The following LDLRAD4 variants were observed in gnomAD, a reference collection of about 807,000 sequenced individuals.
The protein encoded by LDLRAD4 is low-density lipoprotein receptor class A domain-containing protein 4.
A neutral mutation model predicts 17.0 loss-of-function variants in LDLRAD4; 5 were observed. The ratio of observed to expected loss-of-function variants is 0.29; its 90% CI spans 0.15 to 0.62. The LOEUF is 0.62. Among genes scored for constraint, LDLRAD4 ranks in the 20% least tolerant of loss-of-function variants. The pLI is 0.84. For synonymous variants in LDLRAD4, 168 were observed against 171.8 expected (o/e 0.98, Z 0.17); for missense variants, 340 against 424.7 (o/e 0.80, Z 1.75).
chr18:13,642,026 C>T (rs926365700), intron 4 of LDLRAD4: 40 of 985,266 alleles, frequency 4.1e-5, no homozygotes, highest in Non-Finnish European at 4.8e-5. Flanking sequence ...GCCCCGCTGG[C>T]GCCGGACCCC....
intron 3 of LDLRAD4, among the ~76,000 whole-genome samples, chr18:13,610,506 T>TGAAC (rs1240527431): frequency 1.3e-5 from 2 of 151,966 alleles, no homozygotes; most frequent in Non-Finnish European, 2.9e-5. Context: ...AGGCTGGTCT[T>TGAAC]GAACTCCTGA....
At chr18:13,417,373 G>A (rs545677504) in intron 2 of LDLRAD4, among the ~76,000 whole-genome samples, 17 of 152,126 alleles carry the variant, frequency 1.1e-4, no homozygotes, top group Admixed American at 3.3e-4. Flanking sequence ...ACTTTGGTGC[G>A]GTGGTCTAAA....
At chr18:13,454,644 C>A (rs1287084737) in intron 3 of LDLRAD4, among the ~76,000 whole-genome samples, 3 of 152,226 alleles carry the variant, frequency 2.0e-5, no homozygotes, top group African/African-American at 7.2e-5. Flanking sequence ...CCTGTCTCTG[C>A]AGAGAGGGTA....
Position 13,397,897 on chromosome 18 carries a change from G to A in LDLRAD4, c.40+10135G>A, listed in dbSNP as rs539201029. Among the ~76,000 whole-genome samples, 46 of 152,214 alleles carry A rather than the reference G, an allele frequency of 3.0e-4. 1 individual carries two copies. Among genetic ancestry groups the A allele is most frequent in the Non-Finnish European group, 5.6e-4 (38 of 68,032 alleles). On this transcript the variant is annotated intron_variant, in intron 2 of 5. Transcript: ENST00000359446. Reference sequence around the variant, plus strand: ...GGATGCTATCTTGATCTCAGCGCACGCTGTTTCACAGAGCTGACATAAGGA... The same window carrying A: ...GGATGCTATCTTGATCTCAGCGCACACTGTTTCACAGAGCTGACATAAGGA...
At chr18:13,632,415 G>A (rs2041746311) in intron 4 of LDLRAD4, among the ~76,000 whole-genome samples, 1 of 152,256 alleles carries the variant, frequency 6.6e-6, no homozygotes, top group African/African-American at 2.4e-5. Context: ...AGCAGGGCAG[G>A]CAGCTCCAGG....
intron 3 of LDLRAD4, among the ~76,000 whole-genome samples, chr18:13,496,970 A>G (rs548089018): frequency 6.6e-6 from 1 of 152,232 alleles, no homozygotes; most frequent in Non-Finnish European, 1.5e-5. Flanking sequence ...ACCTTTCATT[A>G]GCTTAACAAA....
At chr18:13,242,047 C>T (rs561762794) in intron 1 of LDLRAD4, 1 of 152,242 alleles carries the variant, frequency 6.6e-6, no homozygotes, top group Non-Finnish European at 1.5e-5. Flanking sequence ...TTTATGAACC[C>T]TCCAGGGTGA....
At chr18:13,544,365 T>C (rs561783131) in intron 3 of LDLRAD4, among the ~76,000 whole-genome samples, 5 of 152,170 alleles carry the variant, frequency 3.3e-5, no homozygotes, top group Non-Finnish European at 5.9e-5. Flanking sequence ...CGCTGTGCTT[T>C]CCTCCCCACC....
intron 3 of LDLRAD4, among the ~76,000 whole-genome samples, chr18:13,529,178 C>A (rs8093486): frequency 0.056 from 8,490 of 152,298 alleles, 336 homozygotes; most frequent in African/African-American, 0.11. Context: ...AGAGCTTGCC[C>A]CCAGCCACCC....
intron 1 of LDLRAD4, among the ~76,000 whole-genome samples, chr18:13,308,780 A>G (rs1424129952): frequency 6.6e-6 from 1 of 152,390 alleles, no homozygotes. Context: ...GTGATAACGC[A>G]TGCAGATACT....
chr18:13,319,966 A>G (rs1427381918), intron 1 of LDLRAD4, among the ~76,000 whole-genome samples: 1 of 152,232 alleles, frequency 6.6e-6, no homozygotes, highest in Non-Finnish European at 1.5e-5. Context: ...ACCCAAGGGA[A>G]GAAAGGATGA....
intron 1 of LDLRAD4, among the ~76,000 whole-genome samples, chr18:13,346,593 C>T (rs2144240857): frequency 6.6e-6 from 1 of 152,248 alleles, no homozygotes; most frequent in Non-Finnish European, 1.5e-5. Context: ...TCTATTAGGT[C>T]TGCTTGGTAC....
intron 3 of LDLRAD4, among the ~76,000 whole-genome samples, chr18:13,610,781 C>T (rs1333285096): frequency 6.6e-6 from 1 of 152,102 alleles, no homozygotes. Flanking sequence ...GTGGCTGCAG[C>T]TTCTAATTCT....
chr18:13,445,759 ATG>A (rs773313670), intron 3 of LDLRAD4, among the ~76,000 whole-genome samples: 9 of 143,952 alleles, frequency 6.3e-5, no homozygotes, highest in East Asian at 4.2e-4. Context: ...GGGTGTGTGC[ATG>A]TGTGGGTGTG....
chr18:13,438,912 G>A (rs937608588), intron 3 of LDLRAD4, among the ~76,000 whole-genome samples: 7 of 152,232 alleles, frequency 4.6e-5, no homozygotes, highest in Admixed American at 4.6e-4. Context: ...AAGAAGTGGA[G>A]TCAGAGTTTG....
chr18:13,560,753 A>G (rs916703282), intron 3 of LDLRAD4, among the ~76,000 whole-genome samples: 4 of 152,222 alleles, frequency 2.6e-5, no homozygotes, highest in Non-Finnish European at 5.9e-5. Context: ...AATAATAATT[A>G]AAGAAAACTC....
chr18:13,417,910 A>T (rs1191654532), intron 2 of LDLRAD4, among the ~76,000 whole-genome samples: 1 of 152,168 alleles, frequency 6.6e-6, no homozygotes, highest in African/African-American at 2.4e-5. Context: ...ACATTTTGCC[A>T]TATGAAAACC....
intron 3 of LDLRAD4, among the ~76,000 whole-genome samples, chr18:13,550,635 T>C (rs1349182531): frequency 6.6e-6 from 1 of 152,216 alleles, no homozygotes; most frequent in Non-Finnish European, 1.5e-5. Flanking sequence ...CCGAGCAGCC[T>C]TCCACAGTGG....
chr18:13,348,796 T>G (rs1395621261), intron 1 of LDLRAD4, among the ~76,000 whole-genome samples: 2 of 152,216 alleles, frequency 1.3e-5, no homozygotes. Flanking sequence ...CTAGCCTCGC[T>G]GCCACCTTGC....
Sources: gnomAD v4.1 joint callset for allele counts (sites outside exome capture counted in the v4.1 genomes callset) on GRCh38, gnomAD v4.1.1 for gene constraint, MANE v1.5 for transcripts, NCBI Gene and HGNC (gene_info 2026-07-23, HGNC 2026-07-21) for gene names.